Variants in SF3B1 observed in about 807,000 individuals in gnomAD.
SF3B1 encodes pre-mRNA processing 10.
Under a neutral mutation model 153.8 loss-of-function variants are expected in SF3B1, and 12 were observed. That is an observed-to-expected ratio of 0.08 (90% CI 0.05 to 0.13). The LOEUF is 0.13. Among genes scored for constraint, SF3B1 ranks in the 10% least tolerant of loss-of-function variants. The pLI, the probability that SF3B1 is intolerant of heterozygous loss-of-function variation, is 1.00. For missense variants in SF3B1, 513 were observed against 1,606.1 expected (o/e 0.32, Z 11.63); for synonymous variants, 498 against 525.2 (o/e 0.95, Z 0.71).
Position 197,408,912 on chromosome 2 carries a change from G to C in SF3B1, c.905-331C>G, listed in dbSNP as rs578127036. On this transcript the variant is annotated intron_variant, in intron 7 of 24. Transcript: ENST00000335508. ...CACTCTAGCTTGGGTGACAGAGCAA[G>C]ACTCCATCTCAACAACAACAACAAA... is the stretch of plus-strand genomic sequence containing the variant. 9.7e-4 allele frequency among the ~76,000 whole-genome samples: 147 copies of C among 152,192 alleles called. No homozygotes were observed. The Middle Eastern group carries it at 0.02, about 21-fold the overall frequency.
At chr2:197,418,831 A>G (rs1398112735) in intron 4 of SF3B1, 1 of 1,513,288 alleles carries the variant, frequency 6.6e-7, no homozygotes, top group Admixed American at 2.5e-5. Context: ...TAAAAACAAA[A>G]TGACAGCACA....
intron 4 of SF3B1, 169 bp from the exon 5 acceptor site, chr2:197,418,757 G>C (rs1264493134): frequency 6.9e-7 from 1 of 1,457,930 alleles, no homozygotes; most frequent in African/African-American, 1.4e-5. Flanking sequence ...TGAGTTTGCT[G>C]ATCAATTTAA....
At chr2:197,429,783 C>CAAAAAAAAA (rs199999089) in intron 1 of SF3B1, among the ~76,000 whole-genome samples, 1 of 131,400 alleles carries the variant, frequency 7.6e-6, no homozygotes. Context: ...GACTCTGTCT[C>CAAAAAAAAA]AAAAAAAAAA....
chr2:197,429,541 T>G (rs1158742562), intron 1 of SF3B1, among the ~76,000 whole-genome samples: 1 of 152,156 alleles, frequency 6.6e-6, no homozygotes, highest in Non-Finnish European at 1.5e-5. Context: ...CCCAGCACTT[T>G]GGGAGGCCGA....
Position 197,421,196 on chromosome 2 carries a change from T to C in SF3B1, c.196-63A>G, listed in dbSNP as rs75850661. 1,208 of 1,018,608 alleles carry C rather than the reference T, an allele frequency of 1.2e-3. 13 individuals carry two copies. In the African/African-American group the frequency reaches 0.017, roughly 15 times the overall value. 63.1% of individuals were successfully genotyped at this position (1,018,608 alleles called of 1,614,324 possible). On this transcript the variant is annotated intron_variant, in intron 2 of 24. Transcript: ENST00000335508. ...GTTAGAACTTAAAAATTAGAAAGAATATGCAAAGATTCAAAATGAAATCAA... is the reference window on the plus strand; with the variant it reads ...GTTAGAACTTAAAAATTAGAAAGAACATGCAAAGATTCAAAATGAAATCAA...
intron 6 of SF3B1, among the ~76,000 whole-genome samples, chr2:197,414,274 C>T (rs1052321203): frequency 1.2e-4 from 18 of 152,178 alleles, no homozygotes; most frequent in Non-Finnish European, 2.4e-4. Context: ...CGCAAGTCTG[C>T]GGAACAGAAG....
At chr2:197,396,621 A>G (rs2105977980) in intron 22 of SF3B1, among the ~76,000 whole-genome samples, 1 of 152,322 alleles carries the variant, frequency 6.6e-6, no homozygotes, top group African/African-American at 2.4e-5. Flanking sequence ...CAGTTCTTAA[A>G]CTTTCTGAAA....
intron 11 of SF3B1, chr2:197,404,801 C>T (rs1433769329): frequency 4.3e-6 from 1 of 232,860 alleles, no homozygotes; most frequent in African/African-American, 2.3e-5. Context: ...AAGGAAAGAC[C>T]ACACTCCACA....
chr2:197,422,785 G>C (rs768180519), intron 2 of SF3B1, among the ~76,000 whole-genome samples: 4 of 151,880 alleles, frequency 2.6e-5, no homozygotes, highest in African/African-American at 4.8e-5. Context: ...AGCTACTCGG[G>C]AGGCTGAGGC....
chr2:197,428,009 C>T (rs766393652), intron 1 of SF3B1, among the ~76,000 whole-genome samples: 4 of 151,534 alleles, frequency 2.6e-5, no homozygotes, highest in Admixed American at 6.6e-5. Context: ...CAGAGCAAGA[C>T]TCCGTCTCAA....
intron 12 of SF3B1, among the ~76,000 whole-genome samples, chr2:197,403,272 C>T (rs907772180): frequency 2.0e-5 from 3 of 152,126 alleles, no homozygotes; most frequent in African/African-American, 7.2e-5. Flanking sequence ...AACTTATACA[C>T]CCTATGAACA....
chr2:197,397,234 G>C (rs370271095), intron 22 of SF3B1, among the ~76,000 whole-genome samples: 1 of 152,006 alleles, frequency 6.6e-6, no homozygotes, highest in African/African-American at 2.4e-5. Flanking sequence ...GCCCAGGTTG[G>C]AGTGCAGTGG....
At chr2:197,410,349 G>A (rs896820241) in intron 6 of SF3B1, among the ~76,000 whole-genome samples, 1 of 152,090 alleles carries the variant, frequency 6.6e-6, no homozygotes, top group Non-Finnish European at 1.5e-5. Flanking sequence ...AAGGCTTTCA[G>A]CTCTAATTAC....
At position 197,416,924 on chromosome 2, in the gene SF3B1, G is replaced by GT. The variant is rs1318583166; in HGVS notation, c.496-14dup. Reference sequence around the variant, plus strand: ...GCCTAATTTCTCGCTGAAAAAAACAGTGAGTATTTACCTTTAAAATGCTTT... The same window carrying GT: ...GCCTAATTTCTCGCTGAAAAAAACAGTTGAGTATTTACCTTTAAAATGCTTT... On this transcript the variant is annotated splice_polypyrimidine_tract_variant and intron_variant, in intron 5 of 24. Transcript: ENST00000335508. 3.1e-6 allele frequency: 5 copies of GT among 1,608,962 alleles called. No homozygotes were observed. The highest frequency in any genetic ancestry group is 1.3e-5 in the African/African-American group (1 of 74,592).
At chr2:197,422,082 C>A (rs749221230) in intron 2 of SF3B1, among the ~76,000 whole-genome samples, 2 of 151,996 alleles carry the variant, frequency 1.3e-5, no homozygotes, top group Non-Finnish European at 1.5e-5. Context: ...GATCTTAACA[C>A]CTCACTTATT....
chr2:197,419,524 T>C (rs1559274910), intron 4 of SF3B1: 1 of 219,696 alleles, frequency 4.6e-6, no homozygotes, highest in Non-Finnish European at 9.1e-6. Flanking sequence ...GGTAGTGTCA[T>C]TCTTTCTGAC....
At chr2:197,419,797 T>C (rs1162125746) in intron 4 of SF3B1, 1 of 225,070 alleles carries the variant, frequency 4.4e-6, no homozygotes, top group Non-Finnish European at 8.8e-6. Context: ...AGAATCTAAT[T>C]TTAAGAAACA....
intron 23 of SF3B1, among the ~76,000 whole-genome samples, chr2:197,395,060 T>G (rs2084860613): frequency 6.6e-6 from 1 of 152,258 alleles, no homozygotes; most frequent in East Asian, 1.9e-4. Flanking sequence ...TATTCCTCAT[T>G]AATAAAATTT....
In SF3B1 at chr2:197,392,859, T is replaced by A. The variant is rs1412651820; in HGVS notation, c.3756+113A>T. ...GGTTGATAGGTGCAGCAAACCACCA[T>A]GGCACATATATACCTATGTAACAAA... On this transcript the variant is annotated intron_variant, in intron 24 of 24. Transcript: ENST00000335508. The A allele has an allele frequency of 4.6e-6, 3 of 657,728 alleles. No homozygotes were observed. In the African/African-American group the frequency reaches 5.5e-5, roughly 12 times the overall value. The allele number at this position is 657,728 out of a possible 1,614,324, so 40.7% of individuals were successfully genotyped here.
Sources: allele counts gnomAD v4.1 joint callset (sites outside exome capture counted in the v4.1 genomes callset), GRCh38; gene constraint gnomAD v4.1.1; transcripts MANE v1.5; gene names NCBI Gene and HGNC (gene_info 2026-07-23, HGNC 2026-07-21).